Variants in SIL1 observed in about 807,000 individuals in gnomAD.
SIL1 encodes SIL1 nucleotide exchange factor.
SIL1 carries 40 observed loss-of-function variants against 49.1 expected under a neutral mutation model. That is an observed-to-expected ratio of 0.81 (90% CI 0.63 to 1.06). The LOEUF (loss-of-function observed/expected upper bound fraction) is 1.06. Among genes scored for constraint, SIL1 ranks in the 50% least tolerant of loss-of-function variants. SIL1 has a pLI of 0.00. For missense variants in SIL1, 500 were observed against 572.6 expected (o/e 0.87, Z 1.29); for synonymous variants, 253 against 250.8 (o/e 1.01, Z -0.08).
At chr5:139,112,525 T>TG (rs1561866808) in intron 3 of SIL1, among the ~76,000 whole-genome samples, 1 of 151,094 alleles carries the variant, frequency 6.6e-6, no homozygotes, top group Non-Finnish European at 1.5e-5. Flanking sequence ...GGAGCGCCTC[T>TG]GCCCGGCCGC....
intron 3 of SIL1, among the ~76,000 whole-genome samples, chr5:139,056,186 G>A (rs1769416663): frequency 1.3e-5 from 2 of 151,056 alleles, no homozygotes; most frequent in Admixed American, 1.3e-4. Flanking sequence ...GGAAAGTGAG[G>A]AGCGTCTCTG....
At chr5:139,066,573 C>T in intron 3 of SIL1, among the ~76,000 whole-genome samples, 1 of 152,154 alleles carries the variant, frequency 6.6e-6, no homozygotes, top group Non-Finnish European at 1.5e-5. Flanking sequence ...AATGACACTT[C>T]CTCTATTCAT....
intron 5 of SIL1, among the ~76,000 whole-genome samples, chr5:139,039,280 A>G (rs1017239255): frequency 1.3e-5 from 2 of 152,176 alleles, no homozygotes; most frequent in Non-Finnish European, 2.9e-5. Context: ...TGGTGGAGGA[A>G]TCAGAGTACA....
chr5:139,028,434 G>T (rs1326588166), intron 5 of SIL1, among the ~76,000 whole-genome samples: 1 of 152,118 alleles, frequency 6.6e-6, no homozygotes, highest in East Asian at 1.9e-4. Flanking sequence ...GAAGGCAGAG[G>T]TTGCAGTGAG....
rs886059984 is a variant in SIL1 at position 139,198,364 on chromosome 5, C to T, written c.-106G>A. The T allele has an allele frequency of 6.6e-6, 1 of 152,098 alleles. No individual in the cohort carries two copies. Among genetic ancestry groups the T allele is most frequent in the Non-Finnish European group, 1.5e-5 (1 of 68,022 alleles). 9.4% of individuals were successfully genotyped at this position (152,098 alleles called of 1,614,324 possible). A position where few individuals can be genotyped will look rare whatever the true frequency, so the allele number is the denominator to read the frequency against. On this transcript the variant is annotated 5_prime_UTR_variant, in exon 1 of 10. Transcript: ENST00000394817. Reference sequence around the variant, plus strand: ...CCCCCTGCGCAAACGCGGCGGCGACCGTCTGAGCCGGTGAGCTGGCAGCTG... The same window carrying T: ...CCCCCTGCGCAAACGCGGCGGCGACTGTCTGAGCCGGTGAGCTGGCAGCTG...
At chr5:139,169,469 T>C (rs1751690604) in intron 1 of SIL1, among the ~76,000 whole-genome samples, 1 of 140,450 alleles carries the variant, frequency 7.1e-6, no homozygotes, top group Non-Finnish European at 1.5e-5. Context: ...TGTGTGTATA[T>C]AGATAGATTT....
At chr5:139,109,550 G>A (rs1770796035) in intron 3 of SIL1, among the ~76,000 whole-genome samples, 1 of 151,998 alleles carries the variant, frequency 6.6e-6, no homozygotes, top group African/African-American at 2.4e-5. Flanking sequence ...TCAGAAGAAA[G>A]GAAATCTGGG....
chr5:138,972,055 G>A (rs1767290990), intron 7 of SIL1, among the ~76,000 whole-genome samples: 1 of 152,176 alleles, frequency 6.6e-6, no homozygotes, highest in African/African-American at 2.4e-5. Context: ...AGGGTCCCTG[G>A]GGAGAGCTGA....
At chr5:139,172,072 C>A (rs563512517) in intron 1 of SIL1, among the ~76,000 whole-genome samples, 2 of 152,152 alleles carry the variant, frequency 1.3e-5, no homozygotes, top group South Asian at 2.1e-4. Context: ...GGAAAAGAAG[C>A]ACAAAGACTG....
At position 138,951,153 on chromosome 5, in the gene SIL1, GTGGGCC is replaced by G. The variant is rs1766763897; in HGVS notation, c.1029+12_1029+17del. The G allele has an allele frequency of 1.6e-5, 26 of 1,609,748 alleles. No homozygotes were observed. Among genetic ancestry groups the G allele is most frequent in the Non-Finnish European group, 2.0e-5 (23 of 1,178,074 alleles). On this transcript the variant is annotated intron_variant, in intron 9 of 9. Coordinates refer to ENST00000394817, the MANE Select transcript of SIL1 (RefSeq NM_022464.5). The stretch of plus-strand genomic sequence containing the variant: ...CACAAAGCAAACAAGAGGAGACTGG[GTGGGCC>G]TGGGCACTCACCTTCTCCGTGACCA...
At chr5:138,962,163 C>T (rs1054855057) in intron 7 of SIL1, among the ~76,000 whole-genome samples, 3 of 151,984 alleles carry the variant, frequency 2.0e-5, no homozygotes, top group Non-Finnish European at 4.4e-5. Flanking sequence ...TGCACCACGC[C>T]AGTTTGCTTC....
At chr5:139,046,095 G>A (rs185585840) in intron 4 of SIL1, among the ~76,000 whole-genome samples, 10 of 152,332 alleles carry the variant, frequency 6.6e-5, no homozygotes, top group African/African-American at 2.2e-4. Flanking sequence ...TTGGGAGGCC[G>A]AGGCGGGCAG....
At chr5:139,095,245 A>ATATATAT (rs1407191214) in intron 3 of SIL1, among the ~76,000 whole-genome samples, 1 of 150,798 alleles carries the variant, frequency 6.6e-6, no homozygotes, top group African/African-American at 2.4e-5. Flanking sequence ...GAGTATCTAT[A>ATATATAT]TATATATATT....
chr5:139,152,485 G>C (rs1751323836), intron 1 of SIL1, among the ~76,000 whole-genome samples: 1 of 151,882 alleles, frequency 6.6e-6, no homozygotes, highest in Non-Finnish European at 1.5e-5. Flanking sequence ...GCCGGGCATG[G>C]TGGAGGGTGC....
chr5:139,157,057 A>C (rs1751420654), intron 1 of SIL1, among the ~76,000 whole-genome samples: 1 of 152,184 alleles, frequency 6.6e-6, no homozygotes, highest in African/African-American at 2.4e-5. Context: ...GAATTGAAGC[A>C]ATCAGCACTG....
At chr5:139,192,720 G>A (rs1214395278) in intron 1 of SIL1, among the ~76,000 whole-genome samples, 1 of 151,970 alleles carries the variant, frequency 6.6e-6, no homozygotes, top group Non-Finnish European at 1.5e-5. Flanking sequence ...AACTTGGCTG[G>A]GTGTGGTGGT....
intron 7 of SIL1, among the ~76,000 whole-genome samples, chr5:138,973,030 G>A (rs559908451): frequency 6.6e-6 from 1 of 152,216 alleles, no homozygotes; most frequent in African/African-American, 2.4e-5. Context: ...TATTCCTACA[G>A]TACAGCAGGA....
chr5:138,971,557 A>G lies in SIL1; in HGVS notation c.768-19673T>C, dbSNP rs537161397. On this transcript the variant is annotated intron_variant, in intron 7 of 9. Coordinates refer to ENST00000394817, the MANE Select transcript of SIL1 (RefSeq NM_022464.5). Reference sequence around the variant, plus strand: ...AACTTGAATCTTCTTCTCAGAGCACAGACCATAAAGATTAACTCCCCTGAA... The same window carrying G: ...AACTTGAATCTTCTTCTCAGAGCACGGACCATAAAGATTAACTCCCCTGAA... 2.3e-4 allele frequency among the ~76,000 whole-genome samples: 35 copies of G among 152,298 alleles called. No individual in the cohort carries two copies. The South Asian group carries it at 7.1e-3, about 31-fold the overall frequency.
At chr5:139,105,362 C>G (rs1399436303) in intron 3 of SIL1, among the ~76,000 whole-genome samples, 1 of 152,158 alleles carries the variant, frequency 6.6e-6, no homozygotes, top group Admixed American at 6.5e-5. Flanking sequence ...CAAAATACCA[C>G]TGACATGAAA....
Sources: gnomAD v4.1 joint callset for allele counts (sites outside exome capture counted in the v4.1 genomes callset) on GRCh38, gnomAD v4.1.1 for gene constraint, MANE v1.5 for transcripts, NCBI Gene and HGNC (gene_info 2026-07-23, HGNC 2026-07-21) for gene names.